Variants in FBN2 observed in about 807,000 individuals in gnomAD.
FBN2 encodes fibrillin-2.
A neutral mutation model predicts 355.6 loss-of-function variants in FBN2; 105 were observed. The ratio of observed to expected loss-of-function variants is 0.30; its 90% CI spans 0.25 to 0.35. FBN2 has a LOEUF of 0.35. FBN2 is among the 10% of genes least tolerant of loss of function. The probability of loss-of-function intolerance (pLI) is 1.00; values close to 1 mark genes in which losing one functional copy is unlikely to be tolerated. For synonymous variants in FBN2, 1,350 were observed against 1,301.2 expected (o/e 1.04, Z -0.81); for missense variants, 3,280 against 3,758.7 (o/e 0.87, Z 3.33).
chr5:128,525,883 T>C (rs574024174), intron 4 of FBN2, among the ~76,000 whole-genome samples: 1 of 152,168 alleles, frequency 6.6e-6, no homozygotes, highest in Non-Finnish European at 1.5e-5. Flanking sequence ...CTATAAAGTA[T>C]ACAATTTTGC....
chr5:128,508,994 T>G (rs926866558), intron 5 of FBN2, among the ~76,000 whole-genome samples: 1 of 152,104 alleles, frequency 6.6e-6, no homozygotes, highest in Non-Finnish European at 1.5e-5. Context: ...CTATACAAAA[T>G]GTATCTCTTT....
intron 20 of FBN2, among the ~76,000 whole-genome samples, chr5:128,354,432 G>T (rs913437301): frequency 2.6e-5 from 4 of 152,178 alleles, no homozygotes; most frequent in African/African-American, 9.7e-5. Flanking sequence ...GAAATGAGAA[G>T]CCTAGGATTT....
intron 26 of FBN2, 105 bp from the exon 27 acceptor site, chr5:128,338,227 T>TG: frequency 8.7e-7 from 1 of 1,152,164 alleles, no homozygotes; most frequent in Non-Finnish European, 1.3e-6. Context: ...TGTGAGTTAG[T>TG]GGAAGAGAGA....
At chr5:128,306,026 T>G in intron 42 of FBN2, 78 bp from the exon 43 acceptor site, 1 of 1,361,840 alleles carries the variant, frequency 7.3e-7, no homozygotes, top group South Asian at 1.2e-5. Context: ...TAATGCTACA[T>G]GTACCCTGGG....
chr5:128,345,301 T>G, intron 24 of FBN2, 56 bp downstream of exon 24: 1 of 1,359,702 alleles, frequency 7.4e-7, no homozygotes, highest in Non-Finnish European at 1.1e-6. Flanking sequence ...TCTCAGAGAA[T>G]GTGGAAGGCT....
chr5:128,457,419 C>G (rs35776217), intron 6 of FBN2, among the ~76,000 whole-genome samples: 1 of 152,034 alleles, frequency 6.6e-6, no homozygotes, highest in Non-Finnish European at 1.5e-5. Context: ...CCTAGCAAGA[C>G]AGGCCAACAG....
At chr5:128,309,873 A>G (rs569714278) in intron 40 of FBN2, 110 bp downstream of exon 40, 12 of 1,249,668 alleles carry the variant, frequency 9.6e-6, no homozygotes, top group Non-Finnish European at 1.3e-5. Flanking sequence ...AAATATCTCA[A>G]TTCACGAAGA....
rs1223980099 is a variant in FBN2, at chr5:128,336,024, C to T, written c.3688G>A (p.Gly1230Arg). 5.6e-6 allele frequency: 9 copies of T among 1,614,068 alleles called. No homozygotes were observed. Among genetic ancestry groups the T allele is most frequent in the Non-Finnish European group, 7.6e-6 (9 of 1,179,940 alleles). Residue 1230 changes from glycine to arginine, a missense_variant, in exon 28 of 65, where the codon GGA becomes AGA. By Grantham distance (125) the Gly-to-Arg change is moderately radical. Coordinates refer to ENST00000262464, the MANE Select transcript of FBN2 (RefSeq NM_001999.4). The stretch of plus-strand genomic sequence containing the variant: ...TGGCGGTCTGGCGTAGCCTGATATC[C>T]AGGATTGCAAGAGCACTGATAGGTT... ...IGTYQCSCNPGYQATPDRQGC... is the reference protein window; with the variant it reads ...IGTYQCSCNPRYQATPDRQGC...
At chr5:128,523,831 A>C (rs1024965882) in intron 4 of FBN2, among the ~76,000 whole-genome samples, 3 of 152,034 alleles carry the variant, frequency 2.0e-5, no homozygotes, top group African/African-American at 4.8e-5. Context: ...CCAAAATACA[A>C]GCTCAATACA....
intron 11 of FBN2, among the ~76,000 whole-genome samples, chr5:128,385,520 T>G (rs1752345203): frequency 6.6e-6 from 1 of 152,142 alleles, no homozygotes; most frequent in Admixed American, 6.6e-5. Context: ...GATGAAAATA[T>G]GTGTACATGT....
At chr5:128,314,507 G>A (rs981670055) in intron 36 of FBN2, among the ~76,000 whole-genome samples, 1 of 151,860 alleles carries the variant, frequency 6.6e-6, no homozygotes, top group Admixed American at 6.6e-5. Flanking sequence ...TAGTAGAGAC[G>A]GGGTTTCACC....
intron 39 of FBN2, among the ~76,000 whole-genome samples, chr5:128,310,367 T>C (rs1469656271): frequency 7.6e-5 from 2 of 26,258 alleles, no homozygotes; most frequent in African/African-American, 1.0e-4. Flanking sequence ...CCTTGGCACA[T>C]ATATATATAT....
At chr5:128,368,636 CTT>C (rs1269594770) in intron 16 of FBN2, among the ~76,000 whole-genome samples, 4 of 151,656 alleles carry the variant, frequency 2.6e-5, no homozygotes, top group African/African-American at 9.7e-5. Context: ...AAAAAACCCT[CTT>C]ATAATAATCA....
chr5:128,407,741 T>C (rs934472488), intron 8 of FBN2, among the ~76,000 whole-genome samples: 1 of 152,196 alleles, frequency 6.6e-6, no homozygotes, highest in African/African-American at 2.4e-5. Flanking sequence ...CTACGACTTC[T>C]AGCTTACATC....
chr5:128,352,664 A>G (rs255730), intron 20 of FBN2, among the ~76,000 whole-genome samples: 120,263 of 152,086 alleles, frequency 0.79, 47,832 homozygotes, highest in East Asian at 0.93. Flanking sequence ...TTACCAAGAC[A>G]CTTGTTAAAA....
intron 7 of FBN2, among the ~76,000 whole-genome samples, chr5:128,439,368 T>A (rs1251167531): frequency 6.6e-6 from 1 of 152,084 alleles, no homozygotes; most frequent in African/African-American, 2.4e-5. Flanking sequence ...TTTGTGAGAG[T>A]GTCTATTTCT....
At chr5:128,412,791 T>G (rs1753105433) in intron 7 of FBN2, among the ~76,000 whole-genome samples, 1 of 152,208 alleles carries the variant, frequency 6.6e-6, no homozygotes, top group South Asian at 2.1e-4. Flanking sequence ...AACAAAAGAA[T>G]TACATAAGCC....
chr5:128,414,558 T>C (rs1470085536), intron 7 of FBN2, among the ~76,000 whole-genome samples: 1 of 152,178 alleles, frequency 6.6e-6, no homozygotes, highest in Non-Finnish European at 1.5e-5. Context: ...CCATTTTTTA[T>C]TTTTTGGCTA....
chr5:128,511,054 A>T (rs937136353), intron 5 of FBN2, among the ~76,000 whole-genome samples: 3 of 152,222 alleles, frequency 2.0e-5, no homozygotes, highest in African/African-American at 7.2e-5. Flanking sequence ...AGTATTTATC[A>T]TAGTAAAAGT....
Sources: allele counts gnomAD v4.1 joint callset (sites outside exome capture counted in the v4.1 genomes callset), GRCh38; gene constraint gnomAD v4.1.1; transcripts MANE v1.5; gene names NCBI Gene and HGNC (gene_info 2026-07-23, HGNC 2026-07-21).